Variants in PTPRT observed in about 807,000 individuals in gnomAD.
PTPRT encodes receptor-type tyrosine-protein phosphatase T.
Under a neutral mutation model 176.8 loss-of-function variants are expected in PTPRT, and 56 were observed. That is an observed-to-expected ratio of 0.32 (90% confidence interval 0.26 to 0.40). The LOEUF is 0.40. Ranked by LOEUF, PTPRT falls within the 10% of genes least tolerant of loss-of-function variation. The pLI is 1.00. For synonymous variants in PTPRT, 783 were observed against 739.0 expected (o/e 1.06, Z -0.96); for missense variants, 1,540 against 1,908.2 (o/e 0.81, Z 3.60).
chr20:42,429,604 G>A (rs1301239135), intron 9 of PTPRT, among the ~76,000 whole-genome samples: 1 of 152,182 alleles, frequency 6.6e-6, no homozygotes, highest in Admixed American at 6.5e-5. Context: ...GGCAGAGAAA[G>A]GTGGAGGGAA....
At chr20:42,060,268 G>A in the PTPRT span, among the ~76,000 whole-genome samples, 42 of 152,298 alleles carry the variant, frequency 2.8e-4, no homozygotes, top group Admixed American at 2.7e-3. Context: ...ATATCAAAAA[G>A]AGGAGGCCAA....
intron 2 of PTPRT, among the ~76,000 whole-genome samples, chr20:42,881,495 C>A (rs1054999365): frequency 2.0e-5 from 3 of 151,942 alleles, no homozygotes; most frequent in Non-Finnish European, 4.4e-5. Flanking sequence ...GAGGCCGAGG[C>A]GGAAGGATCA....
At chr20:42,405,992 A>G (rs1384802718) in intron 9 of PTPRT, among the ~76,000 whole-genome samples, 1 of 152,222 alleles carries the variant, frequency 6.6e-6, no homozygotes, top group Non-Finnish European at 1.5e-5. Context: ...CCCTAGATCA[A>G]ACAGGAGATC....
chr20:42,783,550 A>C (rs1435407402), intron 3 of PTPRT, among the ~76,000 whole-genome samples: 2 of 152,096 alleles, frequency 1.3e-5, no homozygotes, highest in East Asian at 3.9e-4. Context: ...GGAGATGATC[A>C]CTCCATCAAT....
chr20:42,971,117 G>A (rs977828513), intron 1 of PTPRT: 3 of 152,200 alleles, frequency 2.0e-5, no homozygotes, highest in African/African-American at 7.2e-5. Flanking sequence ...ATTAGTTTTA[G>A]TCTGCACTTC....
At chr20:42,891,303 T>C (rs181991838) in intron 1 of PTPRT, among the ~76,000 whole-genome samples, 202 of 152,162 alleles carry the variant, frequency 1.3e-3, no homozygotes, top group Admixed American at 2.5e-3. Context: ...AAGATCCACA[T>C]AATTGGGGGA....
intron 7 of PTPRT, among the ~76,000 whole-genome samples, chr20:42,634,265 G>A (rs1055639106): frequency 2.1e-5 from 3 of 144,834 alleles, no homozygotes; most frequent in East Asian, 4.1e-4. Context: ...CTGGTCCACC[G>A]ACTGTGAACG....
chr20:42,035,410 A>G, the PTPRT span, among the ~76,000 whole-genome samples: 1 of 152,248 alleles, frequency 6.6e-6, no homozygotes, highest in East Asian at 1.9e-4. Context: ...AGCTCCCAAG[A>G]GCCAGAACTC....
intron 11 of PTPRT, among the ~76,000 whole-genome samples, chr20:42,326,952 TAA>T (rs796232217): frequency 2.2e-5 from 3 of 134,880 alleles, no homozygotes; most frequent in African/African-American, 5.5e-5. Flanking sequence ...GTTAAGAACT[TAA>T]AAAAAAAAAA....
Position 43,110,497 on chromosome 20 carries a change from C to T in PTPRT, c.88+79149G>A, listed in dbSNP as rs144334626. Among the ~76,000 whole-genome samples the T allele has an allele frequency of 3.2e-4, 48 of 152,264 alleles. No individual in the cohort carries two copies. The East Asian group carries it at 8.5e-3, about 27-fold the overall frequency. On this transcript the variant is annotated intron_variant, in intron 1 of 30. Coordinates refer to ENST00000373187, the MANE Select transcript of PTPRT (RefSeq NM_007050.6). ...ATCACTCCAGAGTTAACAGAGGTTACCTTTGGGGAGAACAGTAACAGGGAG... is the reference window on the plus strand; with the variant it reads ...ATCACTCCAGAGTTAACAGAGGTTATCTTTGGGGAGAACAGTAACAGGGAG...
At chr20:42,536,735 A>T (rs958059585) in intron 7 of PTPRT, among the ~76,000 whole-genome samples, 1 of 152,228 alleles carries the variant, frequency 6.6e-6, no homozygotes, top group Non-Finnish European at 1.5e-5. Flanking sequence ...TTTTTGGCTC[A>T]TTAGACTGGC....
At chr20:42,111,041 G>A (rs1255899045) in intron 22 of PTPRT, among the ~76,000 whole-genome samples, 4 of 152,096 alleles carry the variant, frequency 2.6e-5, no homozygotes, top group African/African-American at 7.2e-5. Flanking sequence ...CATAAGATGC[G>A]AAACAAACAA....
intron 2 of PTPRT, among the ~76,000 whole-genome samples, chr20:42,854,591 T>C (rs1410146211): frequency 6.6e-6 from 1 of 152,214 alleles, no homozygotes; most frequent in Non-Finnish European, 1.5e-5. Context: ...AGTCAGATGA[T>C]CACATCTCCC....
chr20:42,048,485 AC>A, the PTPRT span, among the ~76,000 whole-genome samples: 1 of 152,156 alleles, frequency 6.6e-6, no homozygotes, highest in African/African-American at 2.4e-5. Context: ...TGGGGCACTC[AC>A]ATTTTGTGCT....
intron 6 of PTPRT, among the ~76,000 whole-genome samples, chr20:42,681,668 A>G (rs1046890384): frequency 1.3e-5 from 2 of 152,316 alleles, no homozygotes; most frequent in East Asian, 3.9e-4. Context: ...TCTTGGCTGC[A>G]TGGAGCTCCC....
intron 12 of PTPRT, among the ~76,000 whole-genome samples, chr20:42,311,986 G>A (rs957055261): frequency 1.3e-5 from 2 of 152,104 alleles, no homozygotes; most frequent in African/African-American, 4.8e-5. Context: ...CTTAGTTTTT[G>A]TTGATAAAAT....
intron 16 of PTPRT, among the ~76,000 whole-genome samples, chr20:42,195,739 A>G (rs1488984014): frequency 6.6e-6 from 1 of 152,206 alleles, no homozygotes; most frequent in African/African-American, 2.4e-5. Context: ...TCATATATGT[A>G]TATTTGTGTA....
At chr20:42,440,229 C>T (rs982671742) in intron 9 of PTPRT, among the ~76,000 whole-genome samples, 1 of 151,940 alleles carries the variant, frequency 6.6e-6, no homozygotes, top group Non-Finnish European at 1.5e-5. Flanking sequence ...TTTTTCAGAT[C>T]AGTTTTAGCT....
chr20:43,090,486 T>A (rs1275572605), intron 1 of PTPRT, among the ~76,000 whole-genome samples: 1 of 152,142 alleles, frequency 6.6e-6, no homozygotes, highest in Non-Finnish European at 1.5e-5. Context: ...GCCAGGATGG[T>A]CTTGATATTC....
Sources: gnomAD v4.1 joint callset for allele counts (sites outside exome capture counted in the v4.1 genomes callset) on GRCh38, gnomAD v4.1.1 for gene constraint, MANE v1.5 for transcripts, NCBI Gene and HGNC (gene_info 2026-07-23, HGNC 2026-07-21) for gene names.